ADAMTS17: variants seen among roughly 807,000 people sequenced by gnomAD.
ADAMTS17 encodes the protein ADAM metallopeptidase with thrombospondin type 1 motif 17.
Under a neutral mutation model 141.5 loss-of-function variants are expected in ADAMTS17, and 113 were observed. The observed-to-expected ratio is 0.80, with a 90% CI of 0.69 to 0.93. The LOEUF (loss-of-function observed/expected upper bound fraction) is 0.93, where lower values mean the gene tolerates loss of function less well. Ranked by LOEUF, ADAMTS17 falls within the 40% of genes least tolerant of loss-of-function variation. ADAMTS17 has a pLI of 0.00. For missense variants in ADAMTS17, 1,659 were observed against 1,517.9 expected (o/e 1.09, Z -1.54); for synonymous variants, 768 against 630.6 (o/e 1.22, Z -3.27).
intron 2 of ADAMTS17, among the ~76,000 whole-genome samples, chr15:100,335,586 G>A (rs1330772636): frequency 3.3e-5 from 5 of 152,226 alleles, no homozygotes; most frequent in Non-Finnish European, 7.3e-5. Flanking sequence ...GCAGGTGCGT[G>A]ATAATGATCT....
At chr15:100,006,851 G>A (rs1567669362) in intron 18 of ADAMTS17, among the ~76,000 whole-genome samples, 1 of 152,216 alleles carries the variant, frequency 6.6e-6, no homozygotes, top group Non-Finnish European at 1.5e-5. Flanking sequence ...GCATCAAGAA[G>A]TCAATCATAC....
At chr15:100,123,412 CA>C (rs2037554572) in intron 12 of ADAMTS17, among the ~76,000 whole-genome samples, 3 of 152,294 alleles carry the variant, frequency 2.0e-5, no homozygotes, top group East Asian at 3.9e-4. Flanking sequence ...AAGGTGGGTC[CA>C]GTCTTTCCCT....
intron 18 of ADAMTS17, among the ~76,000 whole-genome samples, chr15:100,034,437 G>C (rs889703506): frequency 2.6e-5 from 4 of 152,374 alleles, no homozygotes; most frequent in Admixed American, 2.6e-4. Context: ...GGCCAACAAG[G>C]AGGCTGCAGA....
rs2060362406 is a variant in ADAMTS17 at position 99,977,364 on chromosome 15, A to AAT, written c.2950-1143_2950-1142insAT. The stretch of plus-strand genomic sequence containing the variant: ...CCCTCCTCTTCATATATATATATAT[A>AAT]TATATATATATATATATATATATAT... On this transcript the variant is annotated intron_variant, in intron 20 of 21. Transcript: ENST00000268070. Among the ~76,000 whole-genome samples, 2 of 7,412 alleles carry AAT rather than the reference A, an allele frequency of 2.7e-4. 1 individual carries two copies. The highest frequency in any genetic ancestry group is 1.5e-3 in the African/African-American group (2 of 1,344). 4.9% of individuals were successfully genotyped at this position (7,412 alleles called of 152,430 possible). A position where few individuals can be genotyped will look rare whatever the true frequency, so the allele number is the denominator to read the frequency against.
At chr15:100,307,659 T>C (rs933330267) in intron 3 of ADAMTS17, among the ~76,000 whole-genome samples, 4 of 152,220 alleles carry the variant, frequency 2.6e-5, no homozygotes, top group South Asian at 2.1e-4. Context: ...ATGGGAACCA[T>C]GCCGTTTTAC....
At chr15:100,232,534 G>C (rs2042516318) in intron 7 of ADAMTS17, among the ~76,000 whole-genome samples, 1 of 152,216 alleles carries the variant, frequency 6.6e-6, no homozygotes, top group African/African-American at 2.4e-5. Flanking sequence ...GAAACACGCT[G>C]GTGGGACGTA....
chr15:100,007,809 GACATAGGGCTGGAA>G (rs1301809942), intron 18 of ADAMTS17, among the ~76,000 whole-genome samples: 1 of 152,102 alleles, frequency 6.6e-6, no homozygotes, highest in Non-Finnish European at 1.5e-5. Context: ...TCAGGTTGGA[GACATAGGGCTGGAA>G]AGTCATGAGC....
intron 2 of ADAMTS17, among the ~76,000 whole-genome samples, chr15:100,335,618 G>A (rs1237931734): frequency 6.6e-6 from 1 of 152,232 alleles, no homozygotes; most frequent in African/African-American, 2.4e-5. Context: ...CAACAGCGAT[G>A]ACTGATCAGC....
chr15:100,328,395 A>G (rs1331360277), intron 3 of ADAMTS17, among the ~76,000 whole-genome samples: 1 of 152,192 alleles, frequency 6.6e-6, no homozygotes, highest in African/African-American at 2.4e-5. Context: ...TGCAAGAAGG[A>G]CCAGAAGCAA....
chr15:99,972,219 C>A lies in ADAMTS17; in HGVS notation c.*2183G>T, dbSNP rs148789222. 1 of 152,170 alleles carries A rather than the reference C, an allele frequency of 6.6e-6. No individual in the cohort carries two copies. The highest frequency in any genetic ancestry group is 1.5e-5 in the Non-Finnish European group (1 of 68,078). 9.4% of individuals were successfully genotyped at this position (152,170 alleles called of 1,614,324 possible). The stretch of plus-strand genomic sequence containing the variant: ...TGAGCTGAGATCGCGCCACTGCACT[C>A]CAGCCTGGGCAACAGAGGGAGACTC... On this transcript the variant is annotated 3_prime_UTR_variant, in exon 22 of 22. Transcript: ENST00000268070.
chr15:100,221,514 G>C (rs1398074807), intron 7 of ADAMTS17, among the ~76,000 whole-genome samples: 1 of 152,122 alleles, frequency 6.6e-6, no homozygotes, highest in Non-Finnish European at 1.5e-5. Flanking sequence ...TGTTCTTTTG[G>C]AGTAACAAAC....
At chr15:100,310,797 G>A (rs192158634) in intron 3 of ADAMTS17, among the ~76,000 whole-genome samples, 6 of 152,268 alleles carry the variant, frequency 3.9e-5, no homozygotes, top group South Asian at 4.1e-4. Context: ...TTTGATCTAC[G>A]ACTTGCTAAT....
intron 18 of ADAMTS17, among the ~76,000 whole-genome samples, chr15:100,040,360 G>A (rs962529915): frequency 6.6e-6 from 1 of 152,190 alleles, no homozygotes; most frequent in African/African-American, 2.4e-5. Flanking sequence ...TCATTTCTGA[G>A]AGATCGCTTT....
At chr15:100,039,129 G>A (rs776675776) in intron 18 of ADAMTS17, among the ~76,000 whole-genome samples, 5 of 152,076 alleles carry the variant, frequency 3.3e-5, no homozygotes, top group Non-Finnish European at 7.4e-5. Context: ...AGTAATTTAC[G>A]TCTTCTTTTA....
rs551867190 is a variant in ADAMTS17, at chr15:99,975,094, C to T, written c.3128-532G>A. Among the ~76,000 whole-genome samples, 15 of 152,322 alleles carry T rather than the reference C, an allele frequency of 9.8e-5. No homozygotes were observed. In the East Asian group the frequency reaches 1.2e-3, roughly 12 times the overall value. ...CTTCTGCCAGCTCAAAGGCCTCCCC[C>T]GGAACAAAGATACTAGAAATCCCCT... On this transcript the variant is annotated intron_variant, in intron 21 of 21. Transcript: ENST00000268070.
intron 3 of ADAMTS17, among the ~76,000 whole-genome samples, chr15:100,297,641 A>C (rs1019587819): frequency 6.6e-6 from 1 of 152,200 alleles, no homozygotes; most frequent in Non-Finnish European, 1.5e-5. Context: ...GGTAGGAAGA[A>C]AGCACTGTGA....
At chr15:100,320,340 C>T (rs1433586793) in intron 3 of ADAMTS17, among the ~76,000 whole-genome samples, 4 of 152,304 alleles carry the variant, frequency 2.6e-5, no homozygotes, top group Admixed American at 2.0e-4. Context: ...ACAGAATAAA[C>T]ATGGGAAGTC....
chr15:100,299,336 A>T (rs1035573754), intron 3 of ADAMTS17, among the ~76,000 whole-genome samples: 1 of 151,536 alleles, frequency 6.6e-6, no homozygotes, highest in African/African-American at 2.4e-5. Context: ...GGGGACTCGC[A>T]GGCAGGACAG....
At chr15:100,012,377 C>G (rs2061204324) in intron 18 of ADAMTS17, among the ~76,000 whole-genome samples, 1 of 152,164 alleles carries the variant, frequency 6.6e-6, no homozygotes, top group African/African-American at 2.4e-5. Flanking sequence ...TGCAGAAGCT[C>G]TTTAGTTTAA....
Sources: allele counts gnomAD v4.1 joint callset (sites outside exome capture counted in the v4.1 genomes callset), GRCh38; gene constraint gnomAD v4.1.1; transcripts MANE v1.5; gene names NCBI Gene and HGNC (gene_info 2026-07-23, HGNC 2026-07-21).